TMEM132D: variants seen among roughly 807,000 people sequenced by gnomAD.
TMEM132D encodes transmembrane protein 132D.
Under a neutral mutation model 62.3 loss-of-function variants are expected in TMEM132D, and 21 were observed. That is an observed-to-expected ratio of 0.34 (90% confidence interval 0.24 to 0.49). TMEM132D has a LOEUF of 0.49. Among genes scored for constraint, TMEM132D ranks in the 20% least tolerant of loss-of-function variants. The pLI is 0.99. For missense variants in TMEM132D, 1,346 were observed against 1,402.8 expected, an observed-to-expected ratio of 0.96 and a Z score of 0.65; for synonymous variants, 621 against 575.6, an observed-to-expected ratio of 1.08 and a Z score of -1.13.
At chr12:129,653,456 T>G (rs1370757243) in intron 2 of TMEM132D, among the ~76,000 whole-genome samples, 1 of 152,214 alleles carries the variant, frequency 6.6e-6, no homozygotes, top group Non-Finnish European at 1.5e-5. Context: ...TCACTCTATC[T>G]TGTTACTTTT....
chr12:129,087,973 ATGACCGGGTGTCCTCCATGACCGGGGTG>A (rs1874695400), intron 5 of TMEM132D, among the ~76,000 whole-genome samples: 1 of 32,736 alleles, frequency 3.1e-5, no homozygotes, highest in Admixed American at 6.3e-4. Context: ...GGTGTCCTCC[ATGACCGGGTGTCCTCCATGACCGGGGTG>A]TCCTCCATGA....
chr12:129,478,834 G>A (rs1477390249), intron 3 of TMEM132D, among the ~76,000 whole-genome samples: 2 of 152,202 alleles, frequency 1.3e-5, no homozygotes, highest in Admixed American at 1.3e-4. Context: ...AGGGACTGAA[G>A]CTAGAATAAG....
chr12:129,878,983 G>A (rs545548381), intron 1 of TMEM132D, among the ~76,000 whole-genome samples: 1 of 152,296 alleles, frequency 6.6e-6, no homozygotes, highest in East Asian at 1.9e-4. Flanking sequence ...GCTCCCTGTT[G>A]TAGCTACTCT....
At chr12:129,425,558 C>T (rs1409907638) in intron 3 of TMEM132D, among the ~76,000 whole-genome samples, 1 of 152,148 alleles carries the variant, frequency 6.6e-6, no homozygotes, top group Non-Finnish European at 1.5e-5. Context: ...AATGAACAAC[C>T]TGGCAGTCAA....
chr12:129,329,532 A>C (rs1869038299), intron 4 of TMEM132D, among the ~76,000 whole-genome samples: 1 of 152,216 alleles, frequency 6.6e-6, no homozygotes, highest in Non-Finnish European at 1.5e-5. Flanking sequence ...AAGCCAGGAA[A>C]GGAAGCTCCT....
At chr12:129,233,248 G>C (rs773228184) in intron 4 of TMEM132D, among the ~76,000 whole-genome samples, 2 of 152,204 alleles carry the variant, frequency 1.3e-5, no homozygotes, top group Non-Finnish European at 2.9e-5. Flanking sequence ...CAGCTGCTGA[G>C]TTCATCCCAG....
intron 1 of TMEM132D, among the ~76,000 whole-genome samples, chr12:129,759,229 G>A (rs954128839): frequency 6.6e-6 from 1 of 152,032 alleles, no homozygotes; most frequent in Non-Finnish European, 1.5e-5. Flanking sequence ...CCACCACGCC[G>A]GGTCACGTGT....
In TMEM132D at chr12:129,432,167, A is replaced by ATGGATGCT. The variant is rs1555255430; in HGVS notation, c.1116-94351_1116-94350insAGCATCCA. 9.0e-5 allele frequency among the ~76,000 whole-genome samples: 12 copies of ATGGATGCT among 132,700 alleles called. No homozygotes were observed. The East Asian group carries it at 2.3e-3, about 26-fold the overall frequency. The allele number at this position is 132,700 out of a possible 152,430, so 87.1% of individuals were successfully genotyped here. Reference sequence around the variant, plus strand: ...GATGGATGGATGGATGCTTGGATGGATGGATGGATGGATGGATGGATGGAT... The same window carrying ATGGATGCT: ...GATGGATGGATGGATGCTTGGATGGATGGATGCTTGGATGGATGGATGGATGGATGGAT... On this transcript the variant is annotated intron_variant, in intron 3 of 8. Transcript: ENST00000422113.
chr12:129,227,543 A>G (rs1879513575), intron 4 of TMEM132D, among the ~76,000 whole-genome samples: 1 of 149,468 alleles, frequency 6.7e-6, no homozygotes. Flanking sequence ...TGGAATTTCC[A>G]AGGAAGAGGA....
At chr12:129,109,476 C>CCTCTGATATGGTTTGGCTG (rs1403564390) in intron 5 of TMEM132D, among the ~76,000 whole-genome samples, 6 of 152,148 alleles carry the variant, frequency 3.9e-5, no homozygotes, top group Non-Finnish European at 8.8e-5. Context: ...ATGCAGTCAC[C>CCTCTGATATGGTTTGGCTG]CTCTGATATG....
Position 129,767,268 on chromosome 12 carries a change from C to T in TMEM132D, c.80-66570G>A, listed in dbSNP as rs899290839. Among the ~76,000 whole-genome samples, 3 of 152,190 alleles carry T rather than the reference C, an allele frequency of 2.0e-5. No individual in the cohort carries two copies. In the East Asian group the frequency reaches 5.8e-4, roughly 29 times the overall value. ...TTGTGAGGGTTCCCATGTACCTGTA[C>T]ATCTATAATTAATAAAACATGCATG... On this transcript the variant is annotated intron_variant, in intron 1 of 8. Coordinates refer to ENST00000422113, the MANE Select transcript of TMEM132D (RefSeq NM_133448.3).
At position 129,376,419 on chromosome 12, in the gene TMEM132D, T is replaced by G. The variant is rs1870782078; in HGVS notation, c.1116-38602A>C. ...CAAAGCCCCTTCTAAAGCCACCAGATCTCATGAGAACTCACTATCATGAGA... is the reference window on the plus strand; with the variant it reads ...CAAAGCCCCTTCTAAAGCCACCAGAGCTCATGAGAACTCACTATCATGAGA... On this transcript the variant is annotated intron_variant, in intron 3 of 8. Transcript: ENST00000422113. 2.0e-5 allele frequency among the ~76,000 whole-genome samples: 3 copies of G among 152,018 alleles called. No homozygotes were observed. The South Asian group carries it at 6.2e-4, about 32-fold the overall frequency.
chr12:129,105,573 A>C (rs948374108), intron 5 of TMEM132D, among the ~76,000 whole-genome samples: 1 of 150,346 alleles, frequency 6.7e-6, no homozygotes, highest in Non-Finnish European at 1.5e-5. Context: ...AAAAAAAGAA[A>C]AAAACAAACA....
chr12:129,886,915 C>T (rs140156562), intron 1 of TMEM132D, among the ~76,000 whole-genome samples: 3 of 152,092 alleles, frequency 2.0e-5, no homozygotes, highest in Non-Finnish European at 2.9e-5. Flanking sequence ...TGCTGCCATA[C>T]GAAGAACATG....
intron 3 of TMEM132D, among the ~76,000 whole-genome samples, chr12:129,529,785 G>A (rs11060400): frequency 0.21 from 31,503 of 151,952 alleles, 3,589 homozygotes; most frequent in East Asian, 0.41. Flanking sequence ...GTCCACCCCC[G>A]TGTCCATCTC....
At chr12:129,516,442 C>T (rs945667265) in intron 3 of TMEM132D, among the ~76,000 whole-genome samples, 1 of 152,178 alleles carries the variant, frequency 6.6e-6, no homozygotes, top group African/African-American at 2.4e-5. Context: ...CTGGGGAGGC[C>T]TCACAATCAT....
At chr12:129,506,802 A>C (rs58651060) in intron 3 of TMEM132D, among the ~76,000 whole-genome samples, 68 of 152,358 alleles carry the variant, frequency 4.5e-4, no homozygotes, top group African/African-American at 1.5e-3. Flanking sequence ...GGCTTAGGCA[A>C]GGATTTCATG....
intron 4 of TMEM132D, among the ~76,000 whole-genome samples, chr12:129,335,853 C>T (rs1869254536): frequency 6.6e-6 from 1 of 152,156 alleles, no homozygotes; most frequent in Non-Finnish European, 1.5e-5. Flanking sequence ...CAACCAGAAA[C>T]TGTATGTTGG....
At chr12:129,834,495 C>A (rs960433730) in intron 1 of TMEM132D, among the ~76,000 whole-genome samples, 2 of 151,726 alleles carry the variant, frequency 1.3e-5, no homozygotes, top group Non-Finnish European at 2.9e-5. Context: ...TTCCTAAACC[C>A]CCTCTCTCAG....
Sources: allele counts gnomAD v4.1 joint callset (sites outside exome capture counted in the v4.1 genomes callset), GRCh38; gene constraint gnomAD v4.1.1; transcripts MANE v1.5; gene names NCBI Gene and HGNC (gene_info 2026-07-23, HGNC 2026-07-21).